The following CGAS variants were observed in gnomAD, a reference collection of about 807,000 sequenced individuals.
CGAS encodes 2'3'-cGAMP synthase.
CGAS carries 31 observed loss-of-function variants against 34.0 expected under a neutral mutation model. That is an observed-to-expected ratio of 0.91 (90% CI 0.69 to 1.23). The LOEUF is 1.23. CGAS is among the 50% of genes most tolerant of loss of function. The pLI is 0.00. For missense variants in CGAS, 597 were observed against 657.6 expected (o/e 0.91, Z 1.01); for synonymous variants, 266 against 260.0 (o/e 1.02, Z -0.22).
Position 73,452,113 on chromosome 6 carries a change from G to A in CGAS, c.69C>T (p.Ser23=), listed in dbSNP as rs367698486. The part of the protein sequence containing the change: ...SEAGATAPKA[S]ARNARGAPMD... ...TCGGGGCGCCCCTGGCATTCCGTGC[G>A]GAAGCCTTGGGGGCAGTGGCTCCGG... is the stretch of plus-strand genomic sequence containing the variant. The change falls in exon 1 of 5, where the codon TCC becomes TCT. Residue 23 remains serine, a synonymous_variant. Coordinates refer to ENST00000370315, the MANE Select transcript of CGAS (RefSeq NM_138441.3). The A allele has an allele frequency of 3.1e-6, 5 of 1,600,804 alleles. No homozygotes were observed. The African/African-American group carries it at 4.0e-5, about 13-fold the overall frequency.
chr6:73,426,281 CAAAATAAAAT>C lies in CGAS; in HGVS notation c.1218-713_1218-704del, dbSNP rs566739528. On this transcript the variant is annotated intron_variant, in intron 4 of 4. Transcript: ENST00000370315. ...CTGGGCAACAAGTGAGACTCCATCT[CAAAATAAAAT>C]AAAATAAAATAAAATAAAATAATAA... 7.5e-3 allele frequency among the ~76,000 whole-genome samples: 1,079 copies of C among 144,792 alleles called. 11 individuals are homozygous for C. The highest frequency in any genetic ancestry group is 0.024 in the African/African-American group (929 of 38,956). The allele number at this position is 144,792 out of a possible 152,430, so 95.0% of individuals were successfully genotyped here.
intron 3 of CGAS, among the ~76,000 whole-genome samples, chr6:73,439,345 G>A (rs937163941): frequency 5.9e-5 from 9 of 151,694 alleles, no homozygotes; most frequent in African/African-American, 2.2e-4. Flanking sequence ...GCCAGGCATG[G>A]TAGCGGGCAC....
At chr6:73,425,684 T>C in intron 4 of CGAS, 106 bp from the exon 5 acceptor site, 2 of 738,946 alleles carry the variant, frequency 2.7e-6, no homozygotes, top group Non-Finnish European at 4.3e-6. Context: ...TATAATAACA[T>C]AAATATAGGC....
chr6:73,431,017 G>A (rs895888154), intron 3 of CGAS, among the ~76,000 whole-genome samples: 13 of 151,106 alleles, frequency 8.6e-5, no homozygotes, highest in African/African-American at 3.2e-4. Context: ...CAGGGGAATC[G>A]CTTGAATTCA....
chr6:73,434,839 G>A (rs1022231404), intron 3 of CGAS, among the ~76,000 whole-genome samples: 2 of 151,868 alleles, frequency 1.3e-5, no homozygotes, highest in African/African-American at 4.8e-5. Flanking sequence ...GTAGAGACGG[G>A]GTTTTGCCAT....
chr6:73,448,563 C>G (rs1163379244), intron 1 of CGAS, among the ~76,000 whole-genome samples: 4 of 152,088 alleles, frequency 2.6e-5, no homozygotes, highest in Non-Finnish European at 4.4e-5. Flanking sequence ...CTACAAGAAA[C>G]TTCCCATGTA....
At chr6:73,436,338 CTTT>C (rs942049085) in intron 3 of CGAS, among the ~76,000 whole-genome samples, 5 of 150,186 alleles carry the variant, frequency 3.3e-5, no homozygotes, top group African/African-American at 4.9e-5. Flanking sequence ...TACCTGACTT[CTTT>C]ATCTTAAAAA....
Position 73,448,730 on chromosome 6 carries a change from A to C in CGAS, c.657+2795T>G, listed in dbSNP as rs543084423. 7.2e-5 allele frequency among the ~76,000 whole-genome samples: 11 copies of C among 152,236 alleles called. 2 individuals carry two copies. In the South Asian group the frequency reaches 2.3e-3, roughly 32 times the overall value. ...ACTCAAACTCCCGCCTCAGCCTCCC[A>C]TGGTGCTAGGATCACAGGCATGAGT... On this transcript the variant is annotated intron_variant, in intron 1 of 4. Transcript: ENST00000370315.
chr6:73,435,433 G>A (rs1477726860), intron 3 of CGAS, among the ~76,000 whole-genome samples: 1 of 152,098 alleles, frequency 6.6e-6, no homozygotes, highest in Non-Finnish European at 1.5e-5. Context: ...TGATGCCTAT[G>A]GAGATCTGGG....
At chr6:73,443,399 C>G (rs988450614) in intron 2 of CGAS, among the ~76,000 whole-genome samples, 2 of 151,834 alleles carry the variant, frequency 1.3e-5, no homozygotes, top group African/African-American at 4.8e-5. Context: ...CCACCACGCC[C>G]GGCTAGTTTT....
intron 2 of CGAS, 107 bp downstream of exon 2, chr6:73,445,421 G>T: frequency 1.5e-6 from 1 of 655,838 alleles, no homozygotes; most frequent in Non-Finnish European, 2.6e-6. Flanking sequence ...CCTCTCTACT[G>T]CACTTTTTCT....
In CGAS at chr6:73,451,774, G is replaced by A. The variant is rs1770572102; in HGVS notation, c.408C>T (p.Pro136=). 2 of 1,597,938 alleles carry A rather than the reference G, an allele frequency of 1.3e-6. No homozygotes were observed. Among genetic ancestry groups the A allele is most frequent in the Non-Finnish European group, 1.7e-6 (2 of 1,173,132 alleles). ...CGGGGCTGGGCACGTCCCAGGGCCCGGGCGGAGGTCTTGGCTTCGTGGAGC... is the reference window on the plus strand; with the variant it reads ...CGGGGCTGGGCACGTCCCAGGGCCCAGGCGGAGGTCTTGGCTTCGTGGAGC... ...ARCSTKPRPP[P]GPWDVPSPGL... is the part of the protein sequence containing the mutation. Residue 136 remains proline, a synonymous_variant, in exon 1 of 5, where the codon CCC becomes CCT. Transcript: ENST00000370315.
chr6:73,452,177 T>C lies in CGAS; in HGVS notation c.5A>G (p.Gln2Arg). The change falls in exon 1 of 5, where the codon CAG becomes CGG. Residue 2 changes from glutamine (Q) to arginine (R), a missense_variant. Physicochemically the swap from Gln to Arg is conservative, Grantham distance 43. Transcript: ENST00000370315. ...CTGCATGGCCTTTCCGTGCCAAGGCTGCATGGCTGGCGCTTTCTGTTCCCC... is the reference window on the plus strand; with the variant it reads ...CTGCATGGCCTTTCCGTGCCAAGGCCGCATGGCTGGCGCTTTCTGTTCCCC... M[Q>R]PWHGKAMQRA... 6.2e-7 allele frequency: 1 copy of C among 1,600,838 alleles called. No individual in the cohort carries two copies. The highest frequency in any genetic ancestry group is 2.3e-5 in the East Asian group (1 of 44,112).
intron 2 of CGAS, 110 bp from the exon 3 acceptor site, chr6:73,440,555 A>G: frequency 1.1e-6 from 1 of 947,132 alleles, no homozygotes; most frequent in Non-Finnish European, 1.6e-6. Flanking sequence ...CTAAGTATGA[A>G]GTAAACATTA....
intron 3 of CGAS, among the ~76,000 whole-genome samples, chr6:73,430,032 C>T (rs1770168047): frequency 6.6e-6 from 1 of 151,906 alleles, no homozygotes; most frequent in Non-Finnish European, 1.5e-5. Context: ...AAATGAAGCT[C>T]TTAAAATCCT....
At chr6:73,444,554 G>A (rs923082422) in intron 2 of CGAS, among the ~76,000 whole-genome samples, 1 of 134,652 alleles carries the variant, frequency 7.4e-6, no homozygotes, top group African/African-American at 2.8e-5. Flanking sequence ...GGTGATCCAC[G>A]CACCTCAGCC....
At chr6:73,427,520 G>A (rs1273347830) in intron 4 of CGAS, among the ~76,000 whole-genome samples, 3 of 151,898 alleles carry the variant, frequency 2.0e-5, no homozygotes, top group Admixed American at 6.6e-5. Flanking sequence ...GGCTGGTCTC[G>A]AATTCCTGAC....
chr6:73,443,235 C>CTTTT (rs35135687), intron 2 of CGAS, among the ~76,000 whole-genome samples: 49 of 104,200 alleles, frequency 4.7e-4, no homozygotes, highest in Admixed American at 6.5e-4. Flanking sequence ...TTCCCAAACT[C>CTTTT]TTTTTTTTTT....
At position 73,440,961 on chromosome 6, in the gene CGAS, A is replaced by T. The variant is rs191560615; in HGVS notation, c.878-516T>A. Among the ~76,000 whole-genome samples the T allele has an allele frequency of 2.4e-3, 359 of 152,126 alleles. 3 individuals carry two copies. Among genetic ancestry groups the T allele is most frequent in the African/African-American group, 8.2e-3 (342 of 41,522 alleles). ...ATAATTACTGATATCTCCCATTGGG[A>T]GGCATTGTCAAGATGGTGTGGGGCA... is the stretch of plus-strand genomic sequence containing the variant. On this transcript the variant is annotated intron_variant, in intron 2 of 4. Coordinates refer to ENST00000370315, the MANE Select transcript of CGAS (RefSeq NM_138441.3).
Sources: allele counts gnomAD v4.1 joint callset (sites outside exome capture counted in the v4.1 genomes callset), GRCh38; gene constraint gnomAD v4.1.1; transcripts MANE v1.5; gene names NCBI Gene and HGNC (gene_info 2026-07-23, HGNC 2026-07-21).